SLC24A2: variants seen among roughly 807,000 people sequenced by gnomAD.
SLC24A2 encodes solute carrier family 24 member 2.
Under a neutral mutation model 62.0 loss-of-function variants are expected in SLC24A2, and 36 were observed. The observed-to-expected ratio is 0.58, with a 90% CI of 0.44 to 0.77. The LOEUF is 0.77. Among genes scored for constraint, SLC24A2 ranks in the 30% least tolerant of loss-of-function variants. SLC24A2 has a pLI of 0.00. For missense variants in SLC24A2, 846 were observed against 817.9 expected (o/e 1.03, Z -0.42); for synonymous variants, 358 against 294.0 (o/e 1.22, Z -2.23).
chr9:19,815,456 A>T, the SLC24A2 span, among the ~76,000 whole-genome samples: 1 of 152,128 alleles, frequency 6.6e-6, no homozygotes, highest in Non-Finnish European at 1.5e-5. Flanking sequence ...TTGTCAGCTC[A>T]CTTAAAATTC....
the SLC24A2 span, among the ~76,000 whole-genome samples, chr9:20,148,178 G>A: frequency 2.0e-5 from 3 of 151,882 alleles, no homozygotes; most frequent in Non-Finnish European, 4.4e-5. Flanking sequence ...AAAGGGGAAA[G>A]GGTAGCCACT....
At chr9:19,548,277 A>AT (rs988517731) in intron 8 of SLC24A2, among the ~76,000 whole-genome samples, 82 of 151,726 alleles carry the variant, frequency 5.4e-4, no homozygotes, top group East Asian at 2.5e-3. Context: ...TTTTTAAATG[A>AT]TTTTTTTTTC....
At chr9:20,274,330 G>A in the SLC24A2 span, among the ~76,000 whole-genome samples, 7 of 152,156 alleles carry the variant, frequency 4.6e-5, no homozygotes, top group African/African-American at 1.7e-4. Flanking sequence ...GGGAAGAGGT[G>A]AGGAGCCAAG....
intron 2 of SLC24A2, among the ~76,000 whole-genome samples, chr9:19,636,315 T>TTTTCTTTTCTTTTCTGTTCTTTC: frequency 5.0e-5 from 2 of 40,328 alleles, no homozygotes; most frequent in African/African-American, 1.2e-4. Context: ...TTTTCTTTTC[T>TTTTCTTTTCTTTTCTGTTCTTTC]TTTCTTTCTT....
chr9:19,713,876 T>C (rs950378790), intron 2 of SLC24A2, among the ~76,000 whole-genome samples: 9 of 152,156 alleles, frequency 5.9e-5, no homozygotes, highest in African/African-American at 1.7e-4. Context: ...GGAAGAACTG[T>C]AAATATTCAA....
At chr9:20,143,519 T>C in the SLC24A2 span, among the ~76,000 whole-genome samples, 5 of 152,200 alleles carry the variant, frequency 3.3e-5, no homozygotes, top group Admixed American at 3.3e-4. Context: ...CAAAAGATGA[T>C]GAGAGAAAAA....
chr9:19,839,873 A>AGGC, the SLC24A2 span, among the ~76,000 whole-genome samples: 6 of 152,314 alleles, frequency 3.9e-5, no homozygotes, highest in Admixed American at 2.6e-4. Context: ...CTACAGTATT[A>AGGC]ATTACAGTAG....
the SLC24A2 span, among the ~76,000 whole-genome samples, chr9:20,035,953 G>A: frequency 2.0e-5 from 3 of 152,102 alleles, no homozygotes; most frequent in Non-Finnish European, 4.4e-5. Context: ...GCTCGGATAG[G>A]AGTCCTAAGG....
chr9:20,204,807 A>G, the SLC24A2 span, among the ~76,000 whole-genome samples: 11 of 148,796 alleles, frequency 7.4e-5, no homozygotes, highest in African/African-American at 2.7e-4. Context: ...GCAGTGGCAT[A>G]ATCTTGGCTC....
chr9:20,295,065 T>TACAC, the SLC24A2 span, among the ~76,000 whole-genome samples: 34 of 142,680 alleles, frequency 2.4e-4, no homozygotes, highest in African/African-American at 8.2e-4. Flanking sequence ...CACACACACA[T>TACAC]ACACACACAC....
At chr9:19,873,308 T>G in the SLC24A2 span, among the ~76,000 whole-genome samples, 1 of 151,790 alleles carries the variant, frequency 6.6e-6, no homozygotes, top group African/African-American at 2.4e-5. Flanking sequence ...TTTCCTTTCT[T>G]TCCTTCCGTC....
At chr9:19,539,334 A>G (rs1268356691) in intron 8 of SLC24A2, among the ~76,000 whole-genome samples, 82 of 141,038 alleles carry the variant, frequency 5.8e-4, no homozygotes, top group East Asian at 2.5e-3. Context: ...TTTCTCTTGT[A>G]GGCATTTAGT....
At position 19,519,181 on chromosome 9, in the gene SLC24A2, A is replaced by T. The variant is rs1005076201; in HGVS notation, c.1736+1713T>A. Among the ~76,000 whole-genome samples, 4 of 152,356 alleles carry T rather than the reference A, an allele frequency of 2.6e-5. No homozygotes were observed. In the East Asian group the frequency reaches 7.7e-4, roughly 29 times the overall value. On this transcript the variant is annotated intron_variant, in intron 10 of 10. Coordinates refer to ENST00000341998, the MANE Select transcript of SLC24A2 (RefSeq NM_020344.4). The stretch of plus-strand genomic sequence containing the variant: ...CTAATTTATTCATAGATGCCTCTCT[A>T]TGCCAGGCATAGATTGCTTTAAAAT...
chr9:19,971,896 C>T, the SLC24A2 span, among the ~76,000 whole-genome samples: 2 of 152,170 alleles, frequency 1.3e-5, no homozygotes, highest in Non-Finnish European at 2.9e-5. Flanking sequence ...CAGGCATTTT[C>T]TTTCCCTCAT....
chr9:19,712,116 T>C (rs1411464756), intron 2 of SLC24A2, among the ~76,000 whole-genome samples: 1 of 151,962 alleles, frequency 6.6e-6, no homozygotes, highest in Non-Finnish European at 1.5e-5. Context: ...CTGGGGAAGG[T>C]CAGGATAAGA....
chr9:19,851,025 A>AT, the SLC24A2 span, among the ~76,000 whole-genome samples: 11 of 53,252 alleles, frequency 2.1e-4, 1 homozygote, highest in African/African-American at 6.8e-4. Flanking sequence ...ATATATATAC[A>AT]TATTTTTTTT....
rs141354550 is a variant in SLC24A2 at position 19,743,906 on chromosome 9, T to G, written c.930+42031A>C. Among the ~76,000 whole-genome samples, 591 of 152,268 alleles carry G rather than the reference T, an allele frequency of 3.9e-3. 2 individuals are homozygous for G. The highest frequency in any genetic ancestry group is 0.013 in the African/African-American group (550 of 41,558). ...TAAGGAGGATACTTTCTCACTTTATTAGCCCATGTATAAACTGTGGGGTTA... is the reference window on the plus strand; with the variant it reads ...TAAGGAGGATACTTTCTCACTTTATGAGCCCATGTATAAACTGTGGGGTTA... On this transcript the variant is annotated intron_variant, in intron 2 of 10. Transcript: ENST00000341998.
the SLC24A2 span, among the ~76,000 whole-genome samples, chr9:20,231,972 T>G: frequency 6.6e-6 from 1 of 152,244 alleles, no homozygotes; most frequent in Non-Finnish European, 1.5e-5. Flanking sequence ...CCAGGGCCTT[T>G]TCTGCATCTA....
chr9:19,993,818 G>A, the SLC24A2 span, among the ~76,000 whole-genome samples: 1 of 152,110 alleles, frequency 6.6e-6, no homozygotes, highest in Admixed American at 6.5e-5. Flanking sequence ...ATTACCACTA[G>A]TAACAGAGCC....
Sources: gnomAD v4.1 joint callset for allele counts (sites outside exome capture counted in the v4.1 genomes callset) on GRCh38, gnomAD v4.1.1 for gene constraint, MANE v1.5 for transcripts, NCBI Gene and HGNC (gene_info 2026-07-23, HGNC 2026-07-21) for gene names.